The following UGT2B4 variants were observed in gnomAD, a reference collection of about 807,000 sequenced individuals.
UGT2B4 encodes UDP-glucuronosyltransferase 2B4.
Under a neutral mutation model 49.8 loss-of-function variants are expected in UGT2B4, and 49 were observed. The ratio of observed to expected loss-of-function variants is 0.98; its 90% CI spans 0.78 to 1.25. The LOEUF is 1.25. Among genes scored for constraint, UGT2B4 ranks in the 50% most tolerant of loss-of-function variants. The pLI is 0.00. For synonymous variants in UGT2B4, 246 were observed against 217.7 expected (o/e 1.13, Z -1.14); for missense variants, 729 against 627.7 (o/e 1.16, Z -1.73).
chr4:69,485,352 G>A lies in UGT2B4; in HGVS notation c.1166C>T (p.Pro389Leu), dbSNP rs1727748024. 6.2e-7 allele frequency: 1 copy of A among 1,613,844 alleles called. No individual in the cohort carries two copies. The highest frequency in any genetic ancestry group is 8.5e-7 in the Non-Finnish European group (1 of 1,179,916). ...TGCAAACAATGGAACGCCCACCATA[G>A]GGATTCCATGGTAGATTGCCTCATA... Reference protein sequence around the residue: ...GIYEAIYHGIPMVGVPLFADQ... With the variant: ...GIYEAIYHGILMVGVPLFADQ... Residue 389 changes from proline to leucine, a missense_variant, in exon 5 of 6, where the codon CCT becomes CTT. Coordinates refer to ENST00000305107, the MANE Select transcript of UGT2B4 (RefSeq NM_021139.3).
upstream of UGT2B4, among the ~76,000 whole-genome samples, chr4:69,498,824 T>G (rs550018529): frequency 3.3e-5 from 5 of 152,134 alleles, no homozygotes; most frequent in Non-Finnish European, 7.4e-5. Context: ...AGCTCCTGGA[T>G]TTGTTGATTT....
chr4:69,491,210 A>C (rs970173614), intron 2 of UGT2B4, among the ~76,000 whole-genome samples: 1 of 151,944 alleles, frequency 6.6e-6, no homozygotes. Context: ...TCAGCCTGTA[A>C]TATTTATAAT....
chr4:69,525,216 G>A (rs1728953480), intron 1 of UGT2B4, among the ~76,000 whole-genome samples: 1 of 152,130 alleles, frequency 6.6e-6, no homozygotes, highest in Non-Finnish European at 1.5e-5. Context: ...GACAAGTAAA[G>A]TCAAGAGCTC....
intron 1 of UGT2B4, among the ~76,000 whole-genome samples, chr4:69,510,982 C>CTTTTTTTTTTTTTTTTTTTT (rs1259714505): frequency 9.0e-6 from 1 of 110,956 alleles, no homozygotes; most frequent in Non-Finnish European, 1.8e-5. Context: ...TCTTTCTTTT[C>CTTTTTTTTTTTTTTTTTTTT]TTTTCTTCTT....
intron 1 of UGT2B4, among the ~76,000 whole-genome samples, chr4:69,510,470 A>G (rs909659926): frequency 6.6e-6 from 1 of 151,650 alleles, no homozygotes; most frequent in Admixed American, 6.6e-5. Context: ...ATGTTTAAAC[A>G]GTATTGTTTT....
At chr4:69,515,026 C>T (rs1042111326) in intron 1 of UGT2B4, among the ~76,000 whole-genome samples, 2 of 152,068 alleles carry the variant, frequency 1.3e-5, no homozygotes, top group Non-Finnish European at 1.5e-5. Flanking sequence ...TAATAAAGTA[C>T]GTGTTAGAGA....
chr4:69,499,380 A>C (rs559418148), upstream of UGT2B4, among the ~76,000 whole-genome samples: 1 of 152,298 alleles, frequency 6.6e-6, no homozygotes, highest in East Asian at 1.9e-4. Context: ...TGTCACGTCC[A>C]CTTGATCCAG....
At chr4:69,498,477 A>G (rs1728222375), upstream of UGT2B4, among the ~76,000 whole-genome samples, 2 of 151,052 alleles carry the variant, frequency 1.3e-5, no homozygotes, top group Non-Finnish European at 2.9e-5. Flanking sequence ...GAAAAACAAG[A>G]CAGCTATGAA....
At position 69,488,816 on chromosome 4, in the gene UGT2B4, G is replaced by C. The variant is rs41297401; in HGVS notation, c.1002+623C>G. Among the ~76,000 whole-genome samples the C allele has an allele frequency of 6.3e-3, 956 of 152,120 alleles. 9 individuals are homozygous for C. The highest frequency in any genetic ancestry group is 0.022 in the African/African-American group (912 of 41,510). ...CATTGGCTGGGTCCAGTCCAGCAAA[G>C]CAGGCTGCTTTTTCTCTTTCTCCAA... On this transcript the variant is annotated intron_variant, in intron 3 of 5. Transcript: ENST00000305107.
Position 69,495,417 on chromosome 4 carries a change from GAAC to G in UGT2B4, c.442_444del (p.Val148del). On this transcript the variant is annotated inframe_deletion, in exon 1 of 6. Coordinates refer to ENST00000305107, the MANE Select transcript of UGT2B4 (RefSeq NM_021139.3). ...CCAAAGGGGAAAACAGCATCTGCAA[GAAC>G]AACATCAAATCTTGACTCCTGTAGT... 1 of 1,613,950 alleles carries G rather than the reference GAAC, an allele frequency of 6.2e-7. No individual in the cohort carries two copies.
In UGT2B4 at chr4:69,493,814, A is replaced by G. The variant is rs757167691; in HGVS notation, c.749T>C (p.Met250Thr). The change falls in exon 2 of 6, where the codon ATG becomes ACG. Residue 250 changes from methionine to threonine, a missense_variant. Met to Thr is a moderately conservative substitution (Grantham distance 81). Transcript: ENST00000305107. ...LGRPTTLSET[M>T]AKADIWLIRN... ...AATAAGCCATATGTCAGCTTTTGCCATTGTCTCAGATAACGTAGTGGGTCT... is the reference window on the plus strand; with the variant it reads ...AATAAGCCATATGTCAGCTTTTGCCGTTGTCTCAGATAACGTAGTGGGTCT... The G allele has an allele frequency of 1.9e-6, 3 of 1,605,490 alleles. No homozygotes were observed. In the East Asian group the frequency reaches 6.8e-5, roughly 36 times the overall value.
At chr4:69,495,908 C>T (rs1728149803), upstream of UGT2B4, 2 of 1,537,382 alleles carry the variant, frequency 1.3e-6, no homozygotes, top group Non-Finnish European at 1.7e-6. Flanking sequence ...TCCTTTCTGT[C>T]ATTTCTCATG....
upstream of UGT2B4, among the ~76,000 whole-genome samples, chr4:69,496,708 C>A (rs1014971215): frequency 1.3e-5 from 2 of 152,166 alleles, no homozygotes; most frequent in Non-Finnish European, 2.9e-5. Flanking sequence ...TCCTGGGCAA[C>A]TGCTACTTGA....
chr4:69,485,247 T>C lies in UGT2B4; in HGVS notation c.1271A>G (p.Asp424Gly), dbSNP rs927831674. 8 of 1,613,800 alleles carry C rather than the reference T, an allele frequency of 5.0e-6. No homozygotes were observed. The highest frequency in any genetic ancestry group is 1.6e-4 in the Middle Eastern group (1 of 6,082). The change falls in exon 5 of 6, where the codon GAC (aspartate) becomes GGC (glycine). Residue 424 changes from aspartate (D) to glycine (G), a missense_variant. By Grantham distance (94) the Asp-to-Gly change is moderately conservative. Transcript: ENST00000305107. ...TACTGTCTTCAGTGCATTGAGTAAG[T>C]CTGTACTCGACATTGTGTGGAAGTC... ...SLDFHTMSSTDLLNALKTVIN... is the reference protein window; with the variant it reads ...SLDFHTMSSTGLLNALKTVIN...
chr4:69,524,224 C>G (rs1342698999), intron 1 of UGT2B4, among the ~76,000 whole-genome samples: 1 of 152,054 alleles, frequency 6.6e-6, no homozygotes, highest in Non-Finnish European at 1.5e-5. Flanking sequence ...TGCAAGAGGC[C>G]TAGATTTCAG....
At chr4:69,495,924 A>G, upstream of UGT2B4, 1 of 1,530,074 alleles carries the variant, frequency 6.5e-7, no homozygotes, top group Non-Finnish European at 8.7e-7. Context: ...TCATGGTGAC[A>G]TCCAGTATAA....
At chr4:69,509,596 A>G (rs993872231) in intron 1 of UGT2B4, among the ~76,000 whole-genome samples, 3 of 152,168 alleles carry the variant, frequency 2.0e-5, no homozygotes, top group Non-Finnish European at 4.4e-5. Flanking sequence ...GATTAATTAT[A>G]TTGAGCATTT....
At chr4:69,516,861 C>G (rs6855029) in intron 1 of UGT2B4, among the ~76,000 whole-genome samples, 53,160 of 150,718 alleles carry the variant, frequency 0.35, 9,402 homozygotes, top group Non-Finnish European at 0.37. Context: ...GCCCGCCTTA[C>G]GCTCCCAAAG....
At chr4:69,502,677 A>AT (rs780013872) in intron 1 of UGT2B4, among the ~76,000 whole-genome samples, 8 of 152,236 alleles carry the variant, frequency 5.3e-5, no homozygotes, top group Non-Finnish European at 1.0e-4. Context: ...CTATTGAGCT[A>AT]TTAGCGACTT....
Sources: gnomAD v4.1 joint callset for allele counts (sites outside exome capture counted in the v4.1 genomes callset) on GRCh38, gnomAD v4.1.1 for gene constraint, MANE v1.5 for transcripts, NCBI Gene and HGNC (gene_info 2026-07-23, HGNC 2026-07-21) for gene names.